Variants in SEC23B observed in about 807,000 individuals in gnomAD.
SEC23B encodes the protein protein transport protein Sec23B.
In SEC23B, 77 loss-of-function variants were observed where a neutral mutation model predicts 104.3. The observed-to-expected ratio is 0.74, with a 90% CI of 0.61 to 0.89. The LOEUF is 0.89. Ranked by LOEUF, SEC23B falls within the 40% of genes least tolerant of loss-of-function variation. SEC23B has a pLI of 0.00. For synonymous variants in SEC23B, 338 were observed against 332.5 expected (o/e 1.02, Z -0.18); for missense variants, 885 against 949.4 (o/e 0.93, Z 0.89).
chr20:18,540,648 G>A (rs1343058568), intron 12 of SEC23B, among the ~76,000 whole-genome samples: 1 of 152,124 alleles, frequency 6.6e-6, no homozygotes, highest in Admixed American at 6.6e-5. Flanking sequence ...TTGATCTCAG[G>A]AGCTCAAGAC....
chr20:18,511,428 C>T (rs896442959), intron 2 of SEC23B, among the ~76,000 whole-genome samples: 5 of 151,858 alleles, frequency 3.3e-5, no homozygotes, highest in Non-Finnish European at 4.4e-5. Flanking sequence ...TCATGCTTCC[C>T]GGGTACAGTG....
intron 12 of SEC23B, among the ~76,000 whole-genome samples, chr20:18,536,892 G>A (rs1417776774): frequency 6.6e-6 from 1 of 152,176 alleles, no homozygotes; most frequent in Admixed American, 6.5e-5. Flanking sequence ...GAAGGAAAGT[G>A]TATTTACTAT....
chr20:18,546,950 T>C (rs980815602), intron 15 of SEC23B, among the ~76,000 whole-genome samples: 11 of 148,844 alleles, frequency 7.4e-5, no homozygotes, highest in Non-Finnish European at 1.6e-4. Context: ...AATCCTTTCT[T>C]TGAGAGGAGC....
intron 19 of SEC23B, among the ~76,000 whole-genome samples, chr20:18,556,985 G>C (rs1208532179): frequency 6.6e-6 from 1 of 152,328 alleles, no homozygotes; most frequent in East Asian, 1.9e-4. Flanking sequence ...AACAGAGCAA[G>C]ACGCTATCTT....
chr20:18,513,420 C>T (rs953530322), intron 3 of SEC23B, among the ~76,000 whole-genome samples: 13 of 151,560 alleles, frequency 8.6e-5, no homozygotes, highest in African/African-American at 2.7e-4. Flanking sequence ...CACAACTGTA[C>T]GTTTTCTAAA....
intron 8 of SEC23B, among the ~76,000 whole-genome samples, chr20:18,526,991 G>A (rs146260183): frequency 0.014 from 2,082 of 152,276 alleles, 39 homozygotes; most frequent in African/African-American, 0.038. Flanking sequence ...CAAGGTGGGC[G>A]GATCACTTGA....
chr20:18,524,394 T>C (rs1168419041), intron 4 of SEC23B, 39 bp from the exon 5 acceptor site: 1 of 1,451,678 alleles, frequency 6.9e-7, no homozygotes, highest in Admixed American at 1.7e-5. Context: ...TTAAGTCTAT[T>C]TGTATATTGA....
chr20:18,542,509 C>A, intron 13 of SEC23B, 107 bp downstream of exon 13: 1 of 1,089,524 alleles, frequency 9.2e-7, no homozygotes, highest in Non-Finnish European at 1.4e-6. Context: ...TTGAATGGTT[C>A]TCACCAGACC....
chr20:18,542,938 C>T, intron 13 of SEC23B, 81 bp from the exon 14 acceptor site: 4 of 1,563,384 alleles, frequency 2.6e-6, no homozygotes, highest in South Asian at 1.1e-5. Context: ...TGCACCTAGC[C>T]TGTGTTTCTT....
chr20:18,532,582 T>C, intron 10 of SEC23B, 82 bp from the exon 11 acceptor site: 2 of 994,246 alleles, frequency 2.0e-6, no homozygotes, highest in Non-Finnish European at 3.3e-6. Context: ...ATATTTTCCC[T>C]CTAAGCTTTC....
At chr20:18,521,782 A>G (rs1384074442) in intron 4 of SEC23B, among the ~76,000 whole-genome samples, 1 of 152,150 alleles carries the variant, frequency 6.6e-6, no homozygotes, top group African/African-American at 2.4e-5. Flanking sequence ...AGGAACAGAC[A>G]GGAGAGAAAG....
At chr20:18,525,417 A>G (rs975061510) in intron 6 of SEC23B, among the ~76,000 whole-genome samples, 1 of 152,238 alleles carries the variant, frequency 6.6e-6, no homozygotes, top group Non-Finnish European at 1.5e-5. Flanking sequence ...TAAGAGAAGC[A>G]CAGATTAGAA....
At chr20:18,534,412 G>A (rs185594969) in intron 11 of SEC23B, among the ~76,000 whole-genome samples, 33 of 152,298 alleles carry the variant, frequency 2.2e-4, no homozygotes, top group South Asian at 1.7e-3. Flanking sequence ...CTGGGTTAAA[G>A]GTGTGTTTAC....
chr20:18,523,512 C>T (rs1293068937), intron 4 of SEC23B, among the ~76,000 whole-genome samples: 1 of 149,674 alleles, frequency 6.7e-6, no homozygotes, highest in African/African-American at 2.5e-5. Flanking sequence ...AAGCAATTCT[C>T]CTGCCTCAGC....
At position 18,560,747 on chromosome 20, in the gene SEC23B, GAT is replaced by G. The variant is rs142180765; in HGVS notation, c.*9_*10del. 3,330 of 1,605,784 alleles carry G rather than the reference GAT, an allele frequency of 2.1e-3. 80 individuals are homozygous for G. In the African/African-American group the frequency reaches 0.04, roughly 19 times the overall value. ...TGTCTCCAGTGCCTGTTAAGCTGAG[GAT>G]ACAACCAGGAAATGCAACGGTGTCA... On this transcript the variant is annotated 3_prime_UTR_variant, in exon 20 of 20. Coordinates refer to ENST00000650089, the MANE Select transcript of SEC23B (RefSeq NM_006363.6).
chr20:18,539,525 AAAAG>A (rs976658161), intron 12 of SEC23B, among the ~76,000 whole-genome samples: 12 of 151,244 alleles, frequency 7.9e-5, no homozygotes, highest in Admixed American at 2.0e-4. Context: ...AAAAAAAAAA[AAAAG>A]AGATGGGGTC....
At chr20:18,549,397 G>A (rs1278571393) in intron 16 of SEC23B, among the ~76,000 whole-genome samples, 1 of 151,992 alleles carries the variant, frequency 6.6e-6, no homozygotes, top group African/African-American at 2.4e-5. Context: ...CATACTGTAT[G>A]GTTTAGGGAA....
rs780978419 is a variant in SEC23B at position 18,535,723 on chromosome 20, A to G, written c.1385A>G (p.Tyr462Cys). 19 of 1,613,744 alleles carry G rather than the reference A, an allele frequency of 1.2e-5. No individual in the cohort carries two copies. In the South Asian group the frequency reaches 1.6e-4, roughly 14 times the overall value. ...GLDPTSTLGIYFEVVNQHNTP... is the reference protein window; with the variant it reads ...GLDPTSTLGICFEVVNQHNTP... ...GATCCTACATCTACACTTGGCATCTATTTTGAAGTTGTCAATCAGGTGAGT... is the reference window on the plus strand; with the variant it reads ...GATCCTACATCTACACTTGGCATCTGTTTTGAAGTTGTCAATCAGGTGAGT... The change falls in exon 12 of 20, where the codon TAT becomes TGT. Residue 462 changes from tyrosine to cysteine, a missense_variant. Tyr to Cys is a radical substitution (Grantham distance 194, BLOSUM62 -2). Coordinates refer to ENST00000650089, the MANE Select transcript of SEC23B (RefSeq NM_006363.6).
intron 1 of SEC23B, among the ~76,000 whole-genome samples, chr20:18,508,683 T>C (rs2059953969): frequency 6.6e-6 from 1 of 150,382 alleles, no homozygotes. Flanking sequence ...AGGCTGTACA[T>C]GCTTGGAAAC....
Sources: gnomAD v4.1 joint callset for allele counts (sites outside exome capture counted in the v4.1 genomes callset) on GRCh38, gnomAD v4.1.1 for gene constraint, MANE v1.5 for transcripts, NCBI Gene and HGNC (gene_info 2026-07-23, HGNC 2026-07-21) for gene names.